GPHN: variants seen among roughly 807,000 people sequenced by gnomAD.
The protein encoded by GPHN is gephyrin.
Under a neutral mutation model 95.5 loss-of-function variants are expected in GPHN, and 17 were observed. The observed-to-expected ratio is 0.18, with a 90% CI of 0.12 to 0.27. GPHN has a LOEUF of 0.27. Among genes scored for constraint, GPHN ranks in the 10% least tolerant of loss-of-function variants. The pLI is 1.00. For missense variants in GPHN, 660 were observed against 978.1 expected (o/e 0.67, Z 4.34); for synonymous variants, 320 against 322.5 (o/e 0.99, Z 0.08).
At chr14:67,151,536 A>T (rs967379531) in intron 18 of GPHN, among the ~76,000 whole-genome samples, 1 of 152,260 alleles carries the variant, frequency 6.6e-6, no homozygotes, top group Non-Finnish European at 1.5e-5. Flanking sequence ...AACCAAAATG[A>T]ATACGGAGGC....
chr14:67,556,087 A>T, the GPHN span, among the ~76,000 whole-genome samples: 1 of 152,212 alleles, frequency 6.6e-6, no homozygotes, highest in African/African-American at 2.4e-5. Context: ...AGTAGTCCAA[A>T]TAGGCTAGAC....
intron 1 of GPHN, among the ~76,000 whole-genome samples, chr14:66,596,120 G>A (rs1486785684): frequency 6.6e-6 from 1 of 152,014 alleles, no homozygotes; most frequent in South Asian, 2.1e-4. Flanking sequence ...CAGCAGAGAG[G>A]AGACCCTCAG....
At chr14:67,199,948 C>T in the GPHN span, 1 of 1,361,750 alleles carries the variant, frequency 7.3e-7, no homozygotes, top group Non-Finnish European at 9.9e-7. Flanking sequence ...TCACCCATTC[C>T]CACCAGGAGG....
the GPHN span, among the ~76,000 whole-genome samples, chr14:67,439,755 T>C: frequency 1.8e-3 from 280 of 152,288 alleles, no homozygotes; most frequent in African/African-American, 6.4e-3. Context: ...CCAAATTTGT[T>C]CCATTTTGAG....
the GPHN span, chr14:67,690,181 A>G: frequency 4.2e-5 from 66 of 1,590,178 alleles, no homozygotes; most frequent in Non-Finnish European, 5.3e-5. Context: ...TCTCTGACTC[A>G]TGTCTCCACA....
chr14:67,011,498 T>C (rs913962279), intron 9 of GPHN, among the ~76,000 whole-genome samples: 2 of 139,390 alleles, frequency 1.4e-5, no homozygotes, highest in Non-Finnish European at 3.0e-5. Flanking sequence ...CACTTGAGCC[T>C]AGGAGGTTGA....
intron 4 of GPHN, among the ~76,000 whole-genome samples, chr14:66,832,325 CTCAGTA>C (rs1168139257): frequency 6.6e-6 from 1 of 152,102 alleles, no homozygotes; most frequent in Admixed American, 6.6e-5. Context: ...TTTGTAGATG[CTCAGTA>C]TTTGTTCTTT....
intron 2 of GPHN, among the ~76,000 whole-genome samples, chr14:66,745,595 G>A (rs1015590359): frequency 6.6e-6 from 1 of 151,854 alleles, no homozygotes; most frequent in Non-Finnish European, 1.5e-5. Context: ...TCAGAAATTT[G>A]ATGTAGAATA....
At chr14:67,045,475 CTG>C (rs781755856) in intron 10 of GPHN, among the ~76,000 whole-genome samples, 1 of 150,762 alleles carries the variant, frequency 6.6e-6, no homozygotes, top group African/African-American at 2.4e-5. Flanking sequence ...CTCTGTTTCT[CTG>C]TCTCTCTGTG....
intron 1 of GPHN, among the ~76,000 whole-genome samples, chr14:66,514,230 T>C (rs1003576533): frequency 6.6e-6 from 1 of 152,036 alleles, no homozygotes; most frequent in Non-Finnish European, 1.5e-5. Flanking sequence ...CATATGAGGC[T>C]TTAAGATGAA....
chr14:66,750,910 G>A (rs772537395), intron 2 of GPHN, among the ~76,000 whole-genome samples: 10 of 151,794 alleles, frequency 6.6e-5, no homozygotes, highest in Admixed American at 6.6e-5. Flanking sequence ...TGTACTGCTG[G>A]GATATCATTT....
intron 19 of GPHN, among the ~76,000 whole-genome samples, chr14:67,164,235 G>C (rs544989661): frequency 1.6e-5 from 2 of 122,968 alleles, no homozygotes; most frequent in East Asian, 5.1e-4. Context: ...ACCCTTGCAC[G>C]CTAGCCTGGG....
chr14:66,586,585 G>A (rs1430004177), intron 1 of GPHN, among the ~76,000 whole-genome samples: 1 of 152,138 alleles, frequency 6.6e-6, no homozygotes. Context: ...CAGGCTTGGT[G>A]GTGACAACAT....
intron 11 of GPHN, among the ~76,000 whole-genome samples, chr14:67,084,496 G>A (rs1190607575): frequency 6.6e-6 from 1 of 152,114 alleles, no homozygotes; most frequent in East Asian, 1.9e-4. Flanking sequence ...GTGATTTTCT[G>A]TATGTCTCCC....
intron 2 of GPHN, among the ~76,000 whole-genome samples, chr14:66,714,683 T>C (rs1330384496): frequency 6.6e-6 from 1 of 152,196 alleles, no homozygotes; most frequent in African/African-American, 2.4e-5. Flanking sequence ...GTTTTAATCA[T>C]AAAAGTTGCT....
chr14:66,631,031 G>A (rs186350765), intron 1 of GPHN, among the ~76,000 whole-genome samples: 35 of 151,422 alleles, frequency 2.3e-4, no homozygotes, highest in Non-Finnish European at 4.0e-4. Context: ...AATTGCAGTC[G>A]TTCTTTTTTT....
At chr14:67,092,001 A>G (rs758054734) in intron 12 of GPHN, among the ~76,000 whole-genome samples, 2 of 152,118 alleles carry the variant, frequency 1.3e-5, no homozygotes, top group Admixed American at 1.3e-4. Flanking sequence ...AGTGATAATC[A>G]TTGCATAAAT....
At chr14:67,207,183 G>A in the GPHN span, among the ~76,000 whole-genome samples, 1 of 152,090 alleles carries the variant, frequency 6.6e-6, no homozygotes, top group East Asian at 1.9e-4. Context: ...TCTGAGGCTG[G>A]GCAATTAATA....
chr14:66,849,165 C>A (rs2062470380), intron 4 of GPHN, among the ~76,000 whole-genome samples: 1 of 151,864 alleles, frequency 6.6e-6, no homozygotes, highest in Non-Finnish European at 1.5e-5. Flanking sequence ...ACTAGGTAGT[C>A]TTTACTCCAG....
Sources: allele counts gnomAD v4.1 joint callset (sites outside exome capture counted in the v4.1 genomes callset), GRCh38; gene constraint gnomAD v4.1.1; transcripts MANE v1.5; gene names NCBI Gene and HGNC (gene_info 2026-07-23, HGNC 2026-07-21).